Variants in NRXN3 observed in about 807,000 individuals in gnomAD.
NRXN3 encodes neurexin 3, also known as neurexin III.
Under a neutral mutation model 137.6 loss-of-function variants are expected in NRXN3, and 32 were observed. That is an observed-to-expected ratio of 0.23 (90% CI 0.18 to 0.31). The LOEUF (loss-of-function observed/expected upper bound fraction) is 0.31, where lower values mean the gene tolerates loss of function less well. Ranked by LOEUF, NRXN3 falls within the 10% of genes least tolerant of loss-of-function variation. The probability of loss-of-function intolerance (pLI) is 1.00; values close to 1 mark genes in which losing one functional copy is unlikely to be tolerated. For synonymous variants in NRXN3, 798 were observed against 784.5 expected (o/e 1.02, Z -0.29); for missense variants, 1,574 against 2,062.5 (o/e 0.76, Z 4.59).
intron 15 of NRXN3, among the ~76,000 whole-genome samples, chr14:79,396,257 G>A (rs1449785525): frequency 1.3e-5 from 2 of 151,950 alleles, no homozygotes; most frequent in East Asian, 3.9e-4. Context: ...GTCCATATAT[G>A]TATTGTATTT....
intron 17 of NRXN3, among the ~76,000 whole-genome samples, chr14:79,665,647 A>G (rs1167094911): frequency 6.6e-6 from 1 of 152,100 alleles, no homozygotes; most frequent in Non-Finnish European, 1.5e-5. Context: ...AGGAATTTCA[A>G]AGATTTCTAA....
intron 8 of NRXN3, among the ~76,000 whole-genome samples, chr14:78,794,486 C>T (rs1240220880): frequency 2.6e-5 from 4 of 152,084 alleles, no homozygotes; most frequent in East Asian, 1.9e-4. Flanking sequence ...GAAGGTAGTA[C>T]CTCATAAAAA....
At chr14:79,693,912 G>GA (rs1197603733) in intron 18 of NRXN3, among the ~76,000 whole-genome samples, 13 of 151,762 alleles carry the variant, frequency 8.6e-5, no homozygotes, top group Admixed American at 7.2e-4. Flanking sequence ...TTTGTTCTCT[G>GA]AAAAAAAATT....
chr14:79,243,169 G>A (rs1422705547), intron 15 of NRXN3, among the ~76,000 whole-genome samples: 5 of 151,992 alleles, frequency 3.3e-5, no homozygotes, highest in Admixed American at 2.0e-4. Context: ...ATAGATATGC[G>A]AGATTAAAAC....
chr14:79,804,976 C>G, intron 19 of NRXN3, 136 bp from the exon 20 acceptor site: 1 of 635,220 alleles, frequency 1.6e-6, no homozygotes, highest in East Asian at 2.8e-5. Flanking sequence ...ACGGTATGCC[C>G]TCTCTAGAAA....
At chr14:78,355,948 C>G (rs927244855) in intron 4 of NRXN3, among the ~76,000 whole-genome samples, 3 of 152,162 alleles carry the variant, frequency 2.0e-5, no homozygotes, top group Non-Finnish European at 2.9e-5. Context: ...CAGGTTTGTT[C>G]CATTTGTGGT....
chr14:79,715,387 A>T (rs2098820275), intron 19 of NRXN3, among the ~76,000 whole-genome samples: 1 of 152,190 alleles, frequency 6.6e-6, no homozygotes, highest in Non-Finnish European at 1.5e-5. Flanking sequence ...GTGGTGATGG[A>T]AGTATTTTTC....
intron 15 of NRXN3, among the ~76,000 whole-genome samples, chr14:79,342,488 G>A (rs1018489470): frequency 2.6e-5 from 4 of 151,574 alleles, no homozygotes; most frequent in African/African-American, 9.7e-5. Context: ...GTGTGCCCAA[G>A]TACTACTACT....
chr14:78,844,918 A>G (rs1596426183), intron 10 of NRXN3, among the ~76,000 whole-genome samples: 1 of 152,200 alleles, frequency 6.6e-6, no homozygotes, highest in Non-Finnish European at 1.5e-5. Flanking sequence ...GCCTCATTTA[A>G]TAATATTTCC....
At chr14:79,805,965 A>G (rs979337548) in intron 20 of NRXN3, among the ~76,000 whole-genome samples, 5 of 152,160 alleles carry the variant, frequency 3.3e-5, no homozygotes, top group African/African-American at 1.2e-4. Flanking sequence ...CATATGACCT[A>G]ATGTCCAGCA....
At chr14:79,118,619 T>G (rs1472525398) in intron 15 of NRXN3, among the ~76,000 whole-genome samples, 8 of 152,234 alleles carry the variant, frequency 5.3e-5, no homozygotes, top group African/African-American at 1.9e-4. Flanking sequence ...AACATATACC[T>G]TTATTGTTAT....
intron 8 of NRXN3, among the ~76,000 whole-genome samples, chr14:78,725,856 C>T (rs905464593): frequency 6.6e-6 from 1 of 152,142 alleles, no homozygotes; most frequent in Non-Finnish European, 1.5e-5. Context: ...ATATGATGTA[C>T]TAAATGCTTA....
chr14:79,707,590 G>C (rs969011626), intron 19 of NRXN3, among the ~76,000 whole-genome samples: 1 of 152,136 alleles, frequency 6.6e-6, no homozygotes, highest in Non-Finnish European at 1.5e-5. Flanking sequence ...GCGGCTCAAA[G>C]ATTATTATTG....
At chr14:78,959,369 G>A (rs1356506512) in intron 11 of NRXN3, among the ~76,000 whole-genome samples, 4 of 152,292 alleles carry the variant, frequency 2.6e-5, no homozygotes, top group Middle Eastern at 3.4e-3. Context: ...CCAAATCCAT[G>A]TCAGTGTGAT....
In NRXN3 at chr14:79,280,068, C is replaced by T. The variant is rs969717916; in HGVS notation, c.3263-187153C>T. The T allele has an allele frequency of 1.5e-5, 20 of 1,355,598 alleles. No homozygotes were observed. The Admixed American group carries it at 3.8e-4, about 26-fold the overall frequency. The allele number at this position is 1,355,598 out of a possible 1,614,324, so 84.0% of individuals were successfully genotyped here. A position where few individuals can be genotyped will look rare whatever the true frequency, so the allele number is the denominator to read the frequency against. On this transcript the variant is annotated intron_variant, in intron 15 of 20. Transcript: ENST00000335750. ...ACCCTGGCATTCTAAATTTCAGCTC[C>T]GGGAAAGAGAAGGGGCTTTTTGCCT...
chr14:78,469,647 G>A (rs1004590875), intron 4 of NRXN3, among the ~76,000 whole-genome samples: 1 of 152,084 alleles, frequency 6.6e-6, no homozygotes, highest in Non-Finnish European at 1.5e-5. Flanking sequence ...GAAGCACAAG[G>A]GCTTGTTAGT....
intron 10 of NRXN3, among the ~76,000 whole-genome samples, chr14:78,824,098 TGC>T (rs2098959277): frequency 7.1e-6 from 1 of 141,338 alleles, no homozygotes; most frequent in Non-Finnish European, 1.5e-5. Context: ...ATGGGTCACC[TGC>T]TTCTTTTTTT....
At chr14:78,691,591 T>C (rs2098170827) in intron 6 of NRXN3, among the ~76,000 whole-genome samples, 1 of 152,178 alleles carries the variant, frequency 6.6e-6, no homozygotes, top group South Asian at 2.1e-4. Flanking sequence ...TCTCAAATTT[T>C]TTCTTTTTTC....
intron 10 of NRXN3, among the ~76,000 whole-genome samples, chr14:78,846,307 A>G (rs1260941082): frequency 6.6e-6 from 1 of 152,026 alleles, no homozygotes; most frequent in Admixed American, 6.6e-5. Context: ...GAAAAGGGTC[A>G]TTTCCTCTGT....
Sources: allele counts gnomAD v4.1 joint callset (sites outside exome capture counted in the v4.1 genomes callset), GRCh38; gene constraint gnomAD v4.1.1; transcripts MANE v1.5; gene names NCBI Gene and HGNC (gene_info 2026-07-23, HGNC 2026-07-21).